Variants in ELAVL2 observed in about 807,000 individuals in gnomAD.
ELAVL2 encodes ELAV like RNA binding protein 2, also known as ELAV-like protein 2.
ELAVL2 carries 4 observed loss-of-function variants against 34.6 expected under a neutral mutation model. That is an observed-to-expected ratio of 0.12 (90% CI 0.06 to 0.26). ELAVL2 has a LOEUF of 0.26. Ranked by LOEUF, ELAVL2 falls within the 10% of genes least tolerant of loss-of-function variation. The pLI is 1.00. For synonymous variants in ELAVL2, 193 were observed against 154.8 expected (o/e 1.25, Z -1.83); for missense variants, 432 against 442.8 (o/e 0.98, Z 0.22).
At chr9:23,825,033 T>C (rs906597960) in intron 1 of ELAVL2, among the ~76,000 whole-genome samples, 13 of 152,178 alleles carry the variant, frequency 8.5e-5, no homozygotes, top group African/African-American at 2.7e-4. Flanking sequence ...CGGCACTTCA[T>C]AGACACAGCT....
the ELAVL2 span, among the ~76,000 whole-genome samples, chr9:23,837,842 T>C: frequency 6.6e-6 from 1 of 152,206 alleles, no homozygotes; most frequent in Non-Finnish European, 1.5e-5. Flanking sequence ...TGCCGTGCTC[T>C]CTACTGCTGA....
At chr9:23,708,254 A>G (rs926403062) in intron 3 of ELAVL2, among the ~76,000 whole-genome samples, 1 of 152,232 alleles carries the variant, frequency 6.6e-6, no homozygotes, top group Non-Finnish European at 1.5e-5. Flanking sequence ...TTAAACTTAC[A>G]TTTAGGGCAT....
chr9:23,849,052 T>A, the ELAVL2 span, among the ~76,000 whole-genome samples: 1 of 152,366 alleles, frequency 6.6e-6, no homozygotes, highest in African/African-American at 2.4e-5. Flanking sequence ...GCAAAGGCTG[T>A]CTTTTACCAA....
At chr9:23,836,019 A>G in the ELAVL2 span, among the ~76,000 whole-genome samples, 1 of 152,196 alleles carries the variant, frequency 6.6e-6, no homozygotes, top group Middle Eastern at 3.2e-3. Flanking sequence ...ACATATGCAT[A>G]AACACAGAAC....
At chr9:23,758,795 T>C (rs2054189068) in intron 2 of ELAVL2, among the ~76,000 whole-genome samples, 1 of 152,246 alleles carries the variant, frequency 6.6e-6, no homozygotes, top group East Asian at 1.9e-4. Context: ...GGATTTTTCA[T>C]AGTTCTTAAT....
At chr9:23,742,477 T>G (rs1415701464) in intron 2 of ELAVL2, among the ~76,000 whole-genome samples, 1 of 151,198 alleles carries the variant, frequency 6.6e-6, no homozygotes, top group Non-Finnish European at 1.5e-5. Flanking sequence ...AGAAAAGGAG[T>G]GAAAGAGGGA....
chr9:23,707,225 T>C (rs1454871374), intron 3 of ELAVL2, among the ~76,000 whole-genome samples: 2 of 152,248 alleles, frequency 1.3e-5, no homozygotes, highest in South Asian at 2.1e-4. Flanking sequence ...AATCTTGGGA[T>C]TGCTATAAAC....
intron 1 of ELAVL2, among the ~76,000 whole-genome samples, chr9:23,824,540 A>C (rs1353042766): frequency 2.0e-5 from 3 of 152,078 alleles, no homozygotes; most frequent in Non-Finnish European, 2.9e-5. Context: ...CTCGAGCACC[A>C]CATGAGCGCT....
rs537673357 is a variant in ELAVL2, at chr9:23,744,964, G to C, written c.230-13839C>G. Among the ~76,000 whole-genome samples, 11 of 152,136 alleles carry C rather than the reference G, an allele frequency of 7.2e-5. 1 individual carries two copies. In the South Asian group the frequency reaches 2.1e-3, roughly 29 times the overall value. The stretch of plus-strand genomic sequence containing the variant: ...GTGGCTCCCAAATACCAGCACTTCG[G>C]GAGTCTGAGGCTAGAGGATCACTTA... On this transcript the variant is annotated intron_variant, in intron 2 of 6. Coordinates refer to ENST00000397312, the MANE Select transcript of ELAVL2 (RefSeq NM_004432.5).
At chr9:23,791,692 A>T (rs749699351) in intron 1 of ELAVL2, among the ~76,000 whole-genome samples, 1 of 152,236 alleles carries the variant, frequency 6.6e-6, no homozygotes, top group Admixed American at 6.5e-5. Flanking sequence ...CCTTCTTTAC[A>T]TACCCAGAGT....
chr9:23,728,725 T>C (rs1164355112), intron 3 of ELAVL2, among the ~76,000 whole-genome samples: 1 of 152,044 alleles, frequency 6.6e-6, no homozygotes, highest in Non-Finnish European at 1.5e-5. Context: ...GCTCAAGACA[T>C]TGTACAAGAG....
At chr9:23,838,625 T>G in the ELAVL2 span, among the ~76,000 whole-genome samples, 1 of 152,094 alleles carries the variant, frequency 6.6e-6, no homozygotes, top group Non-Finnish European at 1.5e-5. Context: ...ACATAAAGTG[T>G]TTCCTTCCCT....
At chr9:23,770,522 T>C (rs2057114795) in intron 1 of ELAVL2, among the ~76,000 whole-genome samples, 1 of 152,176 alleles carries the variant, frequency 6.6e-6, no homozygotes, top group Non-Finnish European at 1.5e-5. Context: ...CCTAAGGTAA[T>C]TACAAGGTTC....
chr9:23,714,617 C>T (rs2041840671), intron 3 of ELAVL2, among the ~76,000 whole-genome samples: 1 of 152,156 alleles, frequency 6.6e-6, no homozygotes, highest in African/African-American at 2.4e-5. Context: ...TTTGTAGAGA[C>T]CTGTTGAACC....
At chr9:23,826,665 T>C (rs1266114435), upstream of ELAVL2, among the ~76,000 whole-genome samples, 3 of 152,222 alleles carry the variant, frequency 2.0e-5, no homozygotes, top group East Asian at 5.8e-4. Flanking sequence ...CTCTTAAATC[T>C]TTCTGCTTCA....
intron 2 of ELAVL2, among the ~76,000 whole-genome samples, chr9:23,760,947 A>C (rs2054839079): frequency 6.6e-6 from 1 of 152,006 alleles, no homozygotes. Flanking sequence ...TGTATGAAAA[A>C]GTCAAAAGTG....
intron 1 of ELAVL2, among the ~76,000 whole-genome samples, chr9:23,777,336 T>C (rs1188933500): frequency 1.3e-5 from 2 of 152,102 alleles, no homozygotes; most frequent in African/African-American, 4.8e-5. Flanking sequence ...CTGTGAAGAG[T>C]GTAGATCTAC....
At chr9:23,753,446 G>C (rs935119358) in intron 2 of ELAVL2, among the ~76,000 whole-genome samples, 21 of 152,168 alleles carry the variant, frequency 1.4e-4, no homozygotes, top group Non-Finnish European at 2.5e-4. Flanking sequence ...TAAAAGGCTG[G>C]TGGCCAAAGC....
chr9:23,794,864 A>G (rs185383315), intron 1 of ELAVL2, among the ~76,000 whole-genome samples: 3 of 152,296 alleles, frequency 2.0e-5, no homozygotes, highest in South Asian at 4.1e-4. Context: ...TGTTTTAATA[A>G]TAAGTAGAGA....
Sources: gnomAD v4.1 joint callset for allele counts (sites outside exome capture counted in the v4.1 genomes callset) on GRCh38, gnomAD v4.1.1 for gene constraint, MANE v1.5 for transcripts, NCBI Gene and HGNC (gene_info 2026-07-23, HGNC 2026-07-21) for gene names.